CACNA2D1: variants seen among roughly 807,000 people sequenced by gnomAD.
CACNA2D1 encodes the protein calcium voltage-gated channel auxiliary subunit alpha2delta 1.
A neutral mutation model predicts 171.5 loss-of-function variants in CACNA2D1; 53 were observed. That is an observed-to-expected ratio of 0.31 (90% CI 0.25 to 0.39). The LOEUF is 0.39. Among genes scored for constraint, CACNA2D1 ranks in the 10% least tolerant of loss-of-function variants. CACNA2D1 has a pLI of 1.00. For synonymous variants in CACNA2D1, 442 were observed against 443.1 expected, an observed-to-expected ratio of 1.00 and a Z score of 0.03; for missense variants, 903 against 1,299.8, an observed-to-expected ratio of 0.69 and a Z score of 4.69.
intron 16 of CACNA2D1, among the ~76,000 whole-genome samples, chr7:82,006,829 T>C (rs1433670931): frequency 1.3e-5 from 2 of 152,098 alleles, no homozygotes; most frequent in African/African-American, 2.4e-5. Context: ...GGCCACCTTA[T>C]TAACATAAGG....
rs528824185 is a variant in CACNA2D1, at chr7:82,409,745, C to T, written c.95+33620G>A. Reference sequence around the variant, plus strand: ...GCCTAAGGTCTCTTTCGCACACTATCGTTTTCTGGGTTTTAAATACAGTCA... The same window carrying T: ...GCCTAAGGTCTCTTTCGCACACTATTGTTTTCTGGGTTTTAAATACAGTCA... On this transcript the variant is annotated intron_variant, in intron 1 of 38. Coordinates refer to ENST00000356860, the MANE Select transcript of CACNA2D1 (RefSeq NM_000722.4). Among the ~76,000 whole-genome samples the T allele has an allele frequency of 1.4e-4, 22 of 152,230 alleles. No homozygotes were observed. The South Asian group carries it at 4.4e-3, about 30-fold the overall frequency.
intron 3 of CACNA2D1, among the ~76,000 whole-genome samples, chr7:82,175,390 T>C (rs1796455051): frequency 6.6e-6 from 1 of 152,050 alleles, no homozygotes; most frequent in African/African-American, 2.4e-5. Flanking sequence ...AAAATATGCA[T>C]GTGTTATGTG....
chr7:82,045,114 G>T (rs1804401399), intron 10 of CACNA2D1, among the ~76,000 whole-genome samples: 1 of 19,036 alleles, frequency 5.3e-5, no homozygotes, highest in Non-Finnish European at 1.3e-4. Flanking sequence ...GAAAAGCCCA[G>T]ATTAATAGAA....
chr7:82,233,293 T>C lies in CACNA2D1; in HGVS notation c.295-62684A>G, dbSNP rs572810740. 9.8e-5 allele frequency among the ~76,000 whole-genome samples: 15 copies of C among 152,330 alleles called. No homozygotes were observed. In the South Asian group the frequency reaches 1.4e-3, roughly 15 times the overall value. On this transcript the variant is annotated intron_variant, in intron 3 of 38. Transcript: ENST00000356860. ...GTTCCACCAGTGTTCACAAATATTA[T>C]TTTCCTCTTTTTTGTCAGTTTATTG...
At chr7:82,402,590 A>C (rs1049936817) in intron 1 of CACNA2D1, among the ~76,000 whole-genome samples, 2 of 150,932 alleles carry the variant, frequency 1.3e-5, no homozygotes, top group African/African-American at 4.9e-5. Flanking sequence ...GGGTGCCTGT[A>C]GTCCCAGCTA....
intron 3 of CACNA2D1, among the ~76,000 whole-genome samples, chr7:82,175,719 T>C (rs1435139131): frequency 1.3e-5 from 2 of 152,166 alleles, no homozygotes; most frequent in African/African-American, 2.4e-5. Flanking sequence ...TGCTTTTCAC[T>C]AACAACAAAA....
intron 3 of CACNA2D1, among the ~76,000 whole-genome samples, chr7:82,209,218 C>T (rs1800315657): frequency 6.6e-6 from 1 of 152,080 alleles, no homozygotes; most frequent in Admixed American, 6.6e-5. Flanking sequence ...AAATGGAGAC[C>T]ATTCATGGAG....
chr7:82,030,110 C>T (rs1050210836), intron 12 of CACNA2D1, among the ~76,000 whole-genome samples: 7 of 151,690 alleles, frequency 4.6e-5, no homozygotes, highest in African/African-American at 1.7e-4. Flanking sequence ...GAAATGCAAC[C>T]TTTGTTTAAA....
chr7:82,150,291 A>ACAC (rs1793710117), intron 4 of CACNA2D1, among the ~76,000 whole-genome samples: 1 of 143,856 alleles, frequency 7.0e-6, no homozygotes, highest in African/African-American at 2.6e-5. Context: ...ACAAAAAAAA[A>ACAC]CACCCTAGTA....
At chr7:82,356,345 C>T (rs10264449) in intron 1 of CACNA2D1, among the ~76,000 whole-genome samples, 12,070 of 152,080 alleles carry the variant, frequency 0.079, 1,605 homozygotes, top group African/African-American at 0.27. Context: ...TCTGCCTTTG[C>T]TCTGTATATA....
intron 2 of CACNA2D1, among the ~76,000 whole-genome samples, chr7:82,347,923 C>A (rs1477888850): frequency 6.6e-6 from 1 of 151,974 alleles, no homozygotes; most frequent in African/African-American, 2.4e-5. Flanking sequence ...GGTGAAAATT[C>A]TTTTTGGTTA....
At chr7:82,103,888 T>C (rs1343663184) in intron 6 of CACNA2D1, among the ~76,000 whole-genome samples, 1 of 152,040 alleles carries the variant, frequency 6.6e-6, no homozygotes, top group Non-Finnish European at 1.5e-5. Flanking sequence ...TAAACTTAAC[T>C]GAACTTTATT....
chr7:82,100,668 A>T (rs1042102328), intron 6 of CACNA2D1, among the ~76,000 whole-genome samples: 5 of 152,198 alleles, frequency 3.3e-5, no homozygotes, highest in African/African-American at 1.2e-4. Flanking sequence ...TGCATGAAAG[A>T]TATACATATA....
intron 1 of CACNA2D1, among the ~76,000 whole-genome samples, chr7:82,415,200 G>GA (rs903589663): frequency 9.9e-5 from 15 of 152,048 alleles, no homozygotes; most frequent in Admixed American, 3.3e-4. Flanking sequence ...AAGAATGCTA[G>GA]AAAAAATCCC....
intron 3 of CACNA2D1, among the ~76,000 whole-genome samples, chr7:82,209,062 T>G (rs911218965): frequency 6.6e-6 from 1 of 152,174 alleles, no homozygotes; most frequent in Non-Finnish European, 1.5e-5. Flanking sequence ...TTTACATCAA[T>G]GAAGCAATTC....
intron 1 of CACNA2D1, among the ~76,000 whole-genome samples, chr7:82,371,662 C>T (rs75392524): frequency 0.15 from 22,099 of 152,032 alleles, 1,785 homozygotes; most frequent in South Asian, 0.27. Context: ...CTCACTGTAA[C>T]CTCCCGGACT....
intron 3 of CACNA2D1, among the ~76,000 whole-genome samples, chr7:82,307,366 G>A (rs962700561): frequency 2.0e-5 from 3 of 151,284 alleles, no homozygotes; most frequent in South Asian, 2.1e-4. Flanking sequence ...CATGTTGGCC[G>A]GGCTGGTTCT....
Position 82,349,608 on chromosome 7 carries a change from G to A in CACNA2D1, c.137C>T (p.Thr46Ile). 1 of 1,614,006 alleles carries A rather than the reference G, an allele frequency of 6.2e-7. No individual in the cohort carries two copies. The highest frequency in any genetic ancestry group is 8.5e-7 in the Non-Finnish European group (1 of 1,179,884). ...GACTCCACTTGCTGTTTTTGCCAGT[G>A]TGACAAGGTCTTCTTGCATCTTATC... ...WVDKMQEDLV[T>I]LAKTASGVNQ... is the part of the protein sequence containing the mutation. The change falls in exon 2 of 39, where the codon ACA becomes ATA. Residue 46 changes from threonine to isoleucine, a missense_variant. Around this residue, in one of 5 missense-constraint regions of CACNA2D1, gnomAD observed 189 missense variants for 266.8 expected, o/e 0.71. Coordinates refer to ENST00000356860, the MANE Select transcript of CACNA2D1 (RefSeq NM_000722.4).
At chr7:82,240,559 A>T (rs1357741842) in intron 3 of CACNA2D1, among the ~76,000 whole-genome samples, 3 of 152,222 alleles carry the variant, frequency 2.0e-5, no homozygotes, top group Non-Finnish European at 4.4e-5. Flanking sequence ...GTATAAATAC[A>T]TCAAAGAATT....
Sources: allele counts gnomAD v4.1 joint callset (sites outside exome capture counted in the v4.1 genomes callset), GRCh38; gene constraint gnomAD v4.1.1; regional missense constraint gnomAD v4.1.1; transcripts MANE v1.5; gene names NCBI Gene and HGNC (gene_info 2026-07-23, HGNC 2026-07-21).